SETD7: variants seen among roughly 807,000 people sequenced by gnomAD.
SETD7 encodes SET domain containing 7, histone lysine methyltransferase, also known as histone-lysine N-methyltransferase SETD7.
In SETD7, 16 loss-of-function variants were observed where a neutral mutation model predicts 41.8. The ratio of observed to expected loss-of-function variants is 0.38; its 90% confidence interval spans 0.26 to 0.58. The LOEUF (loss-of-function observed/expected upper bound fraction) is 0.58. Ranked by LOEUF, SETD7 falls within the 20% of genes least tolerant of loss-of-function variation. The pLI, the probability that SETD7 is intolerant of heterozygous loss-of-function variation, is 0.64. For missense variants in SETD7, 346 were observed against 459.7 expected, an observed-to-expected ratio of 0.75 and a Z score of 2.26; for synonymous variants, 163 against 169.7, an observed-to-expected ratio of 0.96 and a Z score of 0.31.
intron 2 of SETD7, among the ~76,000 whole-genome samples, chr4:139,536,415 A>G (rs561116220): frequency 6.6e-6 from 1 of 152,170 alleles, no homozygotes; most frequent in South Asian, 2.1e-4. Context: ...TTTTTCTATC[A>G]AAAAAGAAAG....
chr4:139,496,579 A>C (rs921163642), intron 7 of SETD7: 16 of 667,028 alleles, frequency 2.4e-5, no homozygotes, highest in Middle Eastern at 2.4e-4. Flanking sequence ...AGGTACATAG[A>C]TCTCAAGCCA....
At chr4:139,541,074 G>C (rs1302417713) in intron 2 of SETD7, among the ~76,000 whole-genome samples, 2 of 152,198 alleles carry the variant, frequency 1.3e-5, no homozygotes, top group Non-Finnish European at 2.9e-5. Flanking sequence ...GGGCACAGGA[G>C]AAAGAAGCCG....
At chr4:139,519,572 T>C (rs1304882770) in intron 6 of SETD7, among the ~76,000 whole-genome samples, 1 of 152,256 alleles carries the variant, frequency 6.6e-6, no homozygotes, top group Non-Finnish European at 1.5e-5. Flanking sequence ...AATAACTTTA[T>C]TATTATTTCA....
At chr4:139,497,497 C>T (rs1277019073) in intron 7 of SETD7, among the ~76,000 whole-genome samples, 1 of 151,668 alleles carries the variant, frequency 6.6e-6, no homozygotes, top group Non-Finnish European at 1.5e-5. Flanking sequence ...TTTAAAAAGC[C>T]CTGGAAGTGG....
At chr4:139,539,947 A>G (rs2111162880) in intron 2 of SETD7, among the ~76,000 whole-genome samples, 1 of 152,226 alleles carries the variant, frequency 6.6e-6, no homozygotes, top group Admixed American at 6.5e-5. Flanking sequence ...TGGACTTCAC[A>G]CCCTCCAGAA....
rs777485946 is a variant in SETD7, at chr4:139,496,501, C to T, written c.941G>A (p.Gly314Glu). The change falls in exon 8 of 8, where the codon GGA (glycine) becomes GAA (glutamate). Residue 314 changes from glycine to glutamate, a missense_variant. Transcript: ENST00000506866. ...CCCAAATCTGCTTCTTTTACACGTTCCCAGGTGATTCTTCTGGCCACTGAA... is the reference window on the plus strand; with the variant it reads ...CCCAAATCTGCTTCTTTTACACGTTTCCAGGTGATTCTTCTGGCCACTGAA... 5 of 701,888 alleles carry T rather than the reference C, an allele frequency of 7.1e-6. No individual in the cohort carries two copies. In the South Asian group the frequency reaches 7.4e-5, roughly 10 times the overall value. 43.5% of individuals were successfully genotyped at this position (701,888 alleles called of 1,614,324 possible).
rs936615878 is a variant in SETD7 at position 139,512,801 on chromosome 4, A to G, written c.921-958T>C. On this transcript the variant is annotated intron_variant, in intron 7 of 7. Transcript: ENST00000274031. The stretch of plus-strand genomic sequence containing the variant: ...GAGACAGAGTCTTGCTCTGTTGCCC[A>G]GGCTGAAGTGCAGTGGCATGATCTT... Among the ~76,000 whole-genome samples, 6 of 117,486 alleles carry G rather than the reference A, an allele frequency of 5.1e-5. No homozygotes were observed. The South Asian group carries it at 8.9e-4, about 17-fold the overall frequency. The allele number at this position is 117,486 out of a possible 152,430, so 77.1% of individuals were successfully genotyped here.
chr4:139,494,087 G>GA (rs1726411686), downstream of SETD7, among the ~76,000 whole-genome samples: 1 of 152,212 alleles, frequency 6.6e-6, no homozygotes, highest in South Asian at 2.1e-4. Context: ...AATGGCTTGT[G>GA]AATGTCTTTT....
chr4:139,547,425 T>C (rs1416966400), intron 1 of SETD7, among the ~76,000 whole-genome samples: 1 of 152,246 alleles, frequency 6.6e-6, no homozygotes, highest in African/African-American at 2.4e-5. Context: ...TTGGAATTGA[T>C]GCCTCCAATC....
rs1335971408 is a variant in SETD7 at position 139,507,781 on chromosome 4, AT to A, written c.*3881del. The A allele has an allele frequency of 6.6e-6, 1 of 152,592 alleles. No homozygotes were observed. The highest frequency in any genetic ancestry group is 2.4e-5 in the African/African-American group (1 of 41,464). 9.5% of individuals were successfully genotyped at this position (152,592 alleles called of 1,614,324 possible). A position where few individuals can be genotyped will look rare whatever the true frequency, so the allele number is the denominator to read the frequency against. On this transcript the variant is annotated 3_prime_UTR_variant, in exon 8 of 8. Coordinates refer to ENST00000274031, the MANE Select transcript of SETD7 (RefSeq NM_030648.4). ...TGAAGGGAAAGATAAAAGAAAAACA[AT>A]AATAATCTATCAAGGTACCCCAAGT...
chr4:139,528,029 T>C (rs1030486568), intron 4 of SETD7, among the ~76,000 whole-genome samples: 3 of 151,884 alleles, frequency 2.0e-5, no homozygotes, highest in African/African-American at 7.2e-5. Flanking sequence ...GTCTTTTCTG[T>C]TTTTTTCTCC....
chr4:139,538,091 T>C (rs542261179), intron 2 of SETD7, among the ~76,000 whole-genome samples: 3 of 152,186 alleles, frequency 2.0e-5, no homozygotes, highest in African/African-American at 7.2e-5. Context: ...TATGAAACAC[T>C]GAAATAAAGA....
intron 1 of SETD7, among the ~76,000 whole-genome samples, chr4:139,551,266 G>C (rs1370326037): frequency 6.6e-6 from 1 of 152,262 alleles, no homozygotes; most frequent in African/African-American, 2.4e-5. Context: ...CCACTGAACA[G>C]AGGGTGAATA....
intron 1 of SETD7, among the ~76,000 whole-genome samples, chr4:139,553,541 A>G (rs536899377): frequency 7.0e-4 from 106 of 152,352 alleles, no homozygotes; most frequent in African/African-American, 2.4e-3. Flanking sequence ...GCTGTTTTGG[A>G]AGTCCAAGCC....
In SETD7 at chr4:139,511,239, C is replaced by T. The variant is rs920645183; in HGVS notation, c.*424G>A. ...AATAAAGATGTAGTAATTGTCAACC[C>T]TTAATACGGCACATATGCAAGTGTG... On this transcript the variant is annotated 3_prime_UTR_variant, in exon 8 of 8. Coordinates refer to ENST00000274031, the MANE Select transcript of SETD7 (RefSeq NM_030648.4). 1.5e-5 allele frequency: 3 copies of T among 203,608 alleles called. No homozygotes were observed. Among genetic ancestry groups the T allele is most frequent in the African/African-American group, 7.2e-5 (3 of 41,770 alleles). The allele number at this position is 203,608 out of a possible 1,614,324, so 12.6% of individuals were successfully genotyped here. A position where few individuals can be genotyped will look rare whatever the true frequency, so the allele number is the denominator to read the frequency against.
At chr4:139,537,798 A>G (rs537336060) in intron 2 of SETD7, among the ~76,000 whole-genome samples, 1 of 152,360 alleles carries the variant, frequency 6.6e-6, no homozygotes, top group African/African-American at 2.4e-5. Context: ...GCATTCTTAT[A>G]TGAATTCGAT....
intron 5 of SETD7, among the ~76,000 whole-genome samples, chr4:139,521,532 G>A (rs887580443): frequency 6.6e-6 from 1 of 152,162 alleles, no homozygotes; most frequent in Non-Finnish European, 1.5e-5. Flanking sequence ...TTAGTTACAT[G>A]GCTCTTATGC....
intron 1 of SETD7, among the ~76,000 whole-genome samples, chr4:139,553,796 A>G (rs1029929196): frequency 6.6e-6 from 1 of 152,234 alleles, no homozygotes; most frequent in Non-Finnish European, 1.5e-5. Flanking sequence ...TTATGGAAAG[A>G]GGTAGATTAG....
intron 7 of SETD7, among the ~76,000 whole-genome samples, chr4:139,500,964 G>GC (rs1356246417): frequency 6.6e-6 from 1 of 152,044 alleles, no homozygotes; most frequent in Non-Finnish European, 1.5e-5. Context: ...GCTCTCTGCG[G>GC]CCCCCCTCAG....
Sources: allele counts gnomAD v4.1 joint callset (sites outside exome capture counted in the v4.1 genomes callset), GRCh38; gene constraint gnomAD v4.1.1; transcripts MANE v1.5; gene names NCBI Gene and HGNC (gene_info 2026-07-23, HGNC 2026-07-21).